The following SLC22A15 variants were observed in gnomAD, a reference collection of about 807,000 sequenced individuals.
The protein encoded by SLC22A15 is solute carrier family 22 member 15.
A neutral mutation model predicts 62.7 loss-of-function variants in SLC22A15; 45 were observed. The observed-to-expected ratio is 0.72, with a 90% CI of 0.56 to 0.92. The LOEUF (loss-of-function observed/expected upper bound fraction) is 0.92. SLC22A15 is among the 40% of genes least tolerant of loss of function. The pLI, the probability that SLC22A15 is intolerant of heterozygous loss-of-function variation, is 0.00. For missense variants in SLC22A15, 622 were observed against 665.6 expected (o/e 0.93, Z 0.72); for synonymous variants, 264 against 267.0 (o/e 0.99, Z 0.11).
intron 8 of SLC22A15, among the ~76,000 whole-genome samples, chr1:116,053,742 C>T (rs952031309): frequency 1.3e-4 from 19 of 151,894 alleles, no homozygotes; most frequent in South Asian, 2.1e-4. Context: ...AGAGTGGGGG[C>T]GAATATTCAA....
At chr1:116,045,212 T>C (rs112097908) in intron 8 of SLC22A15, among the ~76,000 whole-genome samples, 10 of 151,824 alleles carry the variant, frequency 6.6e-5, no homozygotes, top group South Asian at 2.1e-4. Flanking sequence ...CCCAGCTAAT[T>C]TTTTGTATTG....
At chr1:116,066,433 C>G in intron 10 of SLC22A15, 87 bp from the exon 11 acceptor site, 1 of 1,254,824 alleles carries the variant, frequency 8.0e-7, no homozygotes, top group Non-Finnish European at 1.1e-6. Flanking sequence ...GTAAACATGA[C>G]AGTTTTTCAG....
chr1:116,057,373 G>A (rs1477566680), intron 8 of SLC22A15, among the ~76,000 whole-genome samples: 10 of 151,828 alleles, frequency 6.6e-5, no homozygotes, highest in Admixed American at 2.0e-4. Flanking sequence ...TCTCACACCA[G>A]TTAGAATGGT....
intron 5 of SLC22A15, among the ~76,000 whole-genome samples, chr1:116,030,588 ACT>A: frequency 6.6e-6 from 1 of 152,254 alleles, no homozygotes; most frequent in Admixed American, 6.5e-5. Context: ...AAGTTTTGAA[ACT>A]CTTTGAATAT....
chr1:116,036,558 G>C (rs1421749826), intron 7 of SLC22A15, among the ~76,000 whole-genome samples: 1 of 152,104 alleles, frequency 6.6e-6, no homozygotes, highest in East Asian at 1.9e-4. Context: ...TTATGACTTT[G>C]ACAAGTTTCT....
chr1:116,035,692 A>G (rs1012242746), intron 7 of SLC22A15, among the ~76,000 whole-genome samples: 1 of 152,204 alleles, frequency 6.6e-6, no homozygotes, highest in Non-Finnish European at 1.5e-5. Context: ...CCAATTAGCA[A>G]TAAATATTTA....
rs1238968751 is a variant in SLC22A15, at chr1:116,066,431, GAC to G, written c.1366-87_1366-86del. The G allele has an allele frequency of 1.1e-5, 14 of 1,235,102 alleles. No individual in the cohort carries two copies. In the South Asian group the frequency reaches 1.7e-4, roughly 15 times the overall value. The allele number at this position is 1,235,102 out of a possible 1,614,324, so 76.5% of individuals were successfully genotyped here. ...AGGTCATGAACTAGGTGGTAAACATGACAGTTTTTCAGTCATGAGACTGCTTG... is the reference window on the plus strand; with the variant it reads ...AGGTCATGAACTAGGTGGTAAACATGAGTTTTTCAGTCATGAGACTGCTTG... On this transcript the variant is annotated intron_variant, in intron 10 of 11. Transcript: ENST00000369503.
Position 116,025,655 on chromosome 1 carries a change from C to T in SLC22A15, c.599-1238C>T, listed in dbSNP as rs966907720. Among the ~76,000 whole-genome samples, 6 of 152,168 alleles carry T rather than the reference C, an allele frequency of 3.9e-5. 1 individual carries two copies. Among genetic ancestry groups the T allele is most frequent in the Non-Finnish European group, 8.8e-5 (6 of 68,028 alleles). On this transcript the variant is annotated intron_variant, in intron 4 of 11. Coordinates refer to ENST00000369503, the MANE Select transcript of SLC22A15 (RefSeq NM_018420.3). ...GATAGAAGAGAGGAATGGTACAGAA[C>T]CTGGGCACAAGTCCTGGCCCTGCTA... is the stretch of plus-strand genomic sequence containing the variant.
intron 4 of SLC22A15, among the ~76,000 whole-genome samples, chr1:116,021,480 G>A (rs141602152): frequency 6.6e-6 from 1 of 152,180 alleles, no homozygotes; most frequent in Non-Finnish European, 1.5e-5. Flanking sequence ...AGAAGTAACT[G>A]TGTCTAAGAC....
rs769825260 is a variant in SLC22A15, at chr1:116,064,461, A to G, written c.1318A>G (p.Met440Val). The change falls in exon 10 of 12, where the codon ATG (methionine) becomes GTG (valine). Residue 440 changes from methionine (M) to valine (V), a missense_variant. By Grantham distance (21) the Met-to-Val change is conservative. Coordinates refer to ENST00000369503, the MANE Select transcript of SLC22A15 (RefSeq NM_018420.3). ...IRNVGLGTCSMFSRVGGIIAP... is the reference protein window; with the variant it reads ...IRNVGLGTCSVFSRVGGIIAP... ...GAATGTTGGGCTTGGAACTTGTTCCATGTTCTCCCGAGTTGGTGGGATTAT... is the reference window on the plus strand; with the variant it reads ...GAATGTTGGGCTTGGAACTTGTTCCGTGTTCTCCCGAGTTGGTGGGATTAT... 2.5e-6 allele frequency: 4 copies of G among 1,613,534 alleles called. No individual in the cohort carries two copies. Among genetic ancestry groups the G allele is most frequent in the Admixed American group, 1.7e-5 (1 of 59,998 alleles).
chr1:116,046,692 C>T (rs1041442695), intron 8 of SLC22A15, among the ~76,000 whole-genome samples: 6 of 152,196 alleles, frequency 3.9e-5, no homozygotes, highest in African/African-American at 1.4e-4. Context: ...CTGACTGCTC[C>T]TGCAGGACCC....
At chr1:116,048,617 A>C (rs1490588013) in intron 8 of SLC22A15, among the ~76,000 whole-genome samples, 1 of 152,234 alleles carries the variant, frequency 6.6e-6, no homozygotes, top group Non-Finnish European at 1.5e-5. Flanking sequence ...GAAACACATC[A>C]AAACAGAAAC....
At chr1:116,031,777 T>A in intron 6 of SLC22A15, 196 bp downstream of exon 6, 1 of 1,421,384 alleles carries the variant, frequency 7.0e-7, no homozygotes, top group Non-Finnish European at 9.2e-7. Context: ...AAGTAGCAGA[T>A]GATAGTGCCT....
At chr1:116,042,334 C>T (rs1234683751) in intron 8 of SLC22A15, among the ~76,000 whole-genome samples, 3 of 151,492 alleles carry the variant, frequency 2.0e-5, no homozygotes, top group Admixed American at 6.6e-5. Flanking sequence ...AAGACACTTT[C>T]ATCTAGAGAT....
chr1:115,997,723 T>A (rs913637566), intron 2 of SLC22A15, among the ~76,000 whole-genome samples: 1 of 152,074 alleles, frequency 6.6e-6, no homozygotes, highest in African/African-American at 2.4e-5. Flanking sequence ...TTTTTTCAGA[T>A]CATATCATCT....
intron 2 of SLC22A15, among the ~76,000 whole-genome samples, chr1:115,993,209 G>A (rs1388434051): frequency 6.6e-6 from 1 of 152,132 alleles, no homozygotes; most frequent in Admixed American, 6.5e-5. Context: ...TCCTTTGCCT[G>A]CTCCTCTGAA....
At chr1:115,997,929 C>A (rs1655507214) in intron 2 of SLC22A15, among the ~76,000 whole-genome samples, 1 of 151,980 alleles carries the variant, frequency 6.6e-6, no homozygotes, top group Non-Finnish European at 1.5e-5. Flanking sequence ...GTGAGTCTGT[C>A]ATATATGGCT....
intron 1 of SLC22A15, among the ~76,000 whole-genome samples, chr1:115,988,325 A>G (rs1253480700): frequency 6.6e-6 from 1 of 152,174 alleles, no homozygotes; most frequent in African/African-American, 2.4e-5. Flanking sequence ...TGGAGAGAAG[A>G]ACGAGCGAAT....
chr1:116,001,975 T>C (rs1467158591), intron 2 of SLC22A15, among the ~76,000 whole-genome samples: 1 of 152,208 alleles, frequency 6.6e-6, no homozygotes, highest in Non-Finnish European at 1.5e-5. Flanking sequence ...CTTGTCTTTC[T>C]TGAGAAGGCT....
Sources: gnomAD v4.1 joint callset for allele counts (sites outside exome capture counted in the v4.1 genomes callset) on GRCh38, gnomAD v4.1.1 for gene constraint, MANE v1.5 for transcripts, NCBI Gene and HGNC (gene_info 2026-07-23, HGNC 2026-07-21) for gene names.